CSMD1: variants seen among roughly 807,000 people sequenced by gnomAD.
The protein encoded by CSMD1 is CUB and Sushi multiple domains 1.
In CSMD1, 213 loss-of-function variants were observed where a neutral mutation model predicts 417.5. That is an observed-to-expected ratio of 0.51 (90% confidence interval 0.46 to 0.57). The LOEUF (loss-of-function observed/expected upper bound fraction) is 0.57, where lower values mean the gene tolerates loss of function less well. CSMD1 is among the 20% of genes least tolerant of loss of function. The probability of loss-of-function intolerance (pLI) is 0.00; values close to 1 mark genes in which losing one functional copy is unlikely to be tolerated. For synonymous variants in CSMD1, 2,862 were observed against 1,736.8 expected (o/e 1.65, Z -16.11); for missense variants, 6,923 against 4,529.7 (o/e 1.53, Z -15.17).
chr8:3,942,153 A>C (rs958886887), intron 5 of CSMD1, among the ~76,000 whole-genome samples: 2 of 151,786 alleles, frequency 1.3e-5, no homozygotes, highest in African/African-American at 2.4e-5. Flanking sequence ...AGATGGGACC[A>C]TCTAGTTGCA....
At chr8:3,068,494 A>G (rs934554116) in intron 49 of CSMD1, among the ~76,000 whole-genome samples, 2 of 152,200 alleles carry the variant, frequency 1.3e-5, no homozygotes, top group African/African-American at 4.8e-5. Flanking sequence ...GCACATGTGT[A>G]TTAGGCCATT....
chr8:4,715,507 A>G (rs1436350053), intron 1 of CSMD1, among the ~76,000 whole-genome samples: 2 of 152,156 alleles, frequency 1.3e-5, no homozygotes, highest in Non-Finnish European at 2.9e-5. Context: ...TCAAATCTGT[A>G]TCTCCAGATC....
intron 11 of CSMD1, among the ~76,000 whole-genome samples, chr8:3,483,766 C>A (rs1047776248): frequency 1.3e-5 from 2 of 152,078 alleles, no homozygotes; most frequent in African/African-American, 4.8e-5. Flanking sequence ...CTGAATGCAA[C>A]AATGTACAAA....
chr8:4,907,710 C>T (rs975472257), intron 1 of CSMD1, among the ~76,000 whole-genome samples: 2 of 142,660 alleles, frequency 1.4e-5, no homozygotes, highest in Admixed American at 1.5e-4. Context: ...AGGCACATGC[C>T]ACTATCCCCG....
At chr8:4,966,238 G>A (rs533034274) in intron 1 of CSMD1, among the ~76,000 whole-genome samples, 2 of 142,508 alleles carry the variant, frequency 1.4e-5, no homozygotes, top group Admixed American at 6.9e-5. Flanking sequence ...AATTAGCTGG[G>A]TATGGTGGCA....
intron 10 of CSMD1, among the ~76,000 whole-genome samples, chr8:3,548,768 A>G (rs1585344841): frequency 1.3e-5 from 2 of 151,164 alleles, no homozygotes; most frequent in Non-Finnish European, 2.9e-5. Flanking sequence ...AAGCCCGGCC[A>G]AGTTGTTTTC....
chr8:3,704,907 T>C (rs1371185940), intron 7 of CSMD1: 2 of 152,240 alleles, frequency 1.3e-5, no homozygotes, highest in Non-Finnish European at 2.9e-5. Context: ...TTTGGGTGGA[T>C]CTGATATAGT....
In CSMD1 at chr8:4,434,406, G is replaced by C. The variant is rs73658890; in HGVS notation, c.303-14341C>G. 4.0e-3 allele frequency among the ~76,000 whole-genome samples: 610 copies of C among 152,238 alleles called. 5 individuals carry two copies. Among genetic ancestry groups the C allele is most frequent in the African/African-American group, 0.014 (583 of 41,542 alleles). On this transcript the variant is annotated intron_variant, in intron 2 of 69. Transcript: ENST00000635120. The stretch of plus-strand genomic sequence containing the variant: ...CTAAGAACACTAAATCTGAGTGTTT[G>C]GCAGCACAAGCCACTTTTTGAACTC...
chr8:3,562,811 T>G (rs1163679716), intron 10 of CSMD1, among the ~76,000 whole-genome samples: 1 of 151,924 alleles, frequency 6.6e-6, no homozygotes, highest in Non-Finnish European at 1.5e-5. Context: ...GAAAAACAAC[T>G]AAGGCGCACT....
chr8:4,335,744 G>A (rs954731281), intron 3 of CSMD1, among the ~76,000 whole-genome samples: 3 of 151,996 alleles, frequency 2.0e-5, no homozygotes, highest in East Asian at 1.9e-4. Flanking sequence ...TAGGGCTCAC[G>A]GCAACAAGAT....
intron 17 of CSMD1, among the ~76,000 whole-genome samples, chr8:3,395,603 T>G (rs1363912465): frequency 1.3e-5 from 2 of 152,242 alleles, no homozygotes; most frequent in Non-Finnish European, 2.9e-5. Context: ...TATAATATTT[T>G]GACAATTGTT....
intron 26 of CSMD1, among the ~76,000 whole-genome samples, chr8:3,250,178 AG>A (rs1258643963): frequency 6.6e-6 from 1 of 152,186 alleles, no homozygotes; most frequent in Admixed American, 6.5e-5. Context: ...ATTTAACATT[AG>A]GTATGTCTCC....
At chr8:3,290,564 G>C (rs1373485760) in intron 25 of CSMD1, among the ~76,000 whole-genome samples, 1 of 146,150 alleles carries the variant, frequency 6.8e-6, no homozygotes, top group Non-Finnish European at 1.5e-5. Flanking sequence ...TGGATTGCTA[G>C]GTATTTTGTT....
chr8:4,093,030 T>C (rs905158300), intron 3 of CSMD1, among the ~76,000 whole-genome samples: 1 of 152,166 alleles, frequency 6.6e-6, no homozygotes, highest in African/African-American at 2.4e-5. Flanking sequence ...TGAACATTTT[T>C]GTGACTTGTT....
intron 2 of CSMD1, among the ~76,000 whole-genome samples, chr8:4,580,594 C>T (rs1176609182): frequency 1.3e-5 from 2 of 152,106 alleles, no homozygotes; most frequent in Non-Finnish European, 2.9e-5. Flanking sequence ...TCTTCCATCT[C>T]ACCCATAACT....
chr8:4,272,518 A>C (rs181977933), intron 3 of CSMD1, among the ~76,000 whole-genome samples: 6 of 152,296 alleles, frequency 3.9e-5, no homozygotes, highest in African/African-American at 1.4e-4. Context: ...AATACATAGA[A>C]ACCACATGCA....
chr8:4,077,295 G>GTATATATATATATATATATATATGTATA (rs1253192594), intron 3 of CSMD1, among the ~76,000 whole-genome samples: 2 of 88,900 alleles, frequency 2.2e-5, no homozygotes, highest in South Asian at 5.0e-4. Flanking sequence ...ATATATATAT[G>GTATATATATATATATATATATATGTATA]TGTATATATA....
chr8:4,045,562 G>C (rs1383415089), intron 3 of CSMD1, among the ~76,000 whole-genome samples: 1 of 152,150 alleles, frequency 6.6e-6, no homozygotes, highest in Non-Finnish European at 1.5e-5. Flanking sequence ...CTCAGAAAGA[G>C]GATGTGCAAT....
intron 1 of CSMD1, among the ~76,000 whole-genome samples, chr8:4,860,903 A>G (rs1334016345): frequency 1.3e-5 from 2 of 152,030 alleles, no homozygotes; most frequent in Admixed American, 6.6e-5. Context: ...CTCTGACTCT[A>G]CATAGTGAAT....
Sources: allele counts gnomAD v4.1 joint callset (sites outside exome capture counted in the v4.1 genomes callset), GRCh38; gene constraint gnomAD v4.1.1; transcripts MANE v1.5; gene names NCBI Gene and HGNC (gene_info 2026-07-23, HGNC 2026-07-21).